The following ACYP2 variants were observed in gnomAD, a reference collection of about 807,000 sequenced individuals.
ACYP2 encodes the protein acylphosphatase-2.
ACYP2 carries 12 observed loss-of-function variants against 11.2 expected under a neutral mutation model. The ratio of observed to expected loss-of-function variants is 1.08; its 90% CI spans 0.69 to 1.74. The LOEUF (loss-of-function observed/expected upper bound fraction) is 1.74. Ranked by LOEUF, ACYP2 falls within the 40% of genes most tolerant of loss-of-function variation. ACYP2 has a pLI of 0.00. For synonymous variants in ACYP2, 43 were observed against 32.2 expected (o/e 1.33, Z -1.13); for missense variants, 134 against 101.9 (o/e 1.31, Z -1.35).
rs1675966887 is a variant in ACYP2, at chr2:54,053,437, A to ACACC, written c.155+2394_155+2397dup. Among the ~76,000 whole-genome samples the ACACC allele has an allele frequency of 3.9e-5, 6 of 152,282 alleles. No homozygotes were observed. In the South Asian group the frequency reaches 1.2e-3, roughly 32 times the overall value. On this transcript the variant is annotated intron_variant, in intron 3 of 6. Coordinates refer to ENST00000607452, the MANE Select transcript of ACYP2 (RefSeq NM_001320586.2). ...TCAGTGGCAGCCCAACTCACTCTGC[A>ACACC]CACCCACCCATCAAGTTCAGCTTTC...
At chr2:54,247,880 A>C (rs565823806) in intron 6 of ACYP2, among the ~76,000 whole-genome samples, 2 of 152,342 alleles carry the variant, frequency 1.3e-5, no homozygotes, top group South Asian at 4.1e-4. Flanking sequence ...CATATTCTCA[A>C]CTGAGTCTCA....
At chr2:54,176,153 A>G (rs187370328) in intron 6 of ACYP2, among the ~76,000 whole-genome samples, 2 of 152,304 alleles carry the variant, frequency 1.3e-5, no homozygotes, top group Admixed American at 6.5e-5. Flanking sequence ...TAGTAGCCCA[A>G]ACTGACTAAG....
At chr2:54,271,957 C>G (rs1688323180) in intron 6 of ACYP2, among the ~76,000 whole-genome samples, 1 of 152,070 alleles carries the variant, frequency 6.6e-6, no homozygotes, top group African/African-American at 2.4e-5. Context: ...ATTCTGTTGT[C>G]ACGAAGTGAA....
chr2:54,049,176 G>A lies in ACYP2; in HGVS notation c.63-1782G>A, dbSNP rs1403298722. 3.9e-5 allele frequency among the ~76,000 whole-genome samples: 6 copies of A among 152,148 alleles called. No individual in the cohort carries two copies. In the East Asian group the frequency reaches 5.8e-4, roughly 15 times the overall value. On this transcript the variant is annotated intron_variant, in intron 2 of 6. Transcript: ENST00000607452. ...CTCAGGAGGGTAAGGCAGGAGAATC[G>A]CTTGAACCCGGGAGGCGGAGACTGC...
intron 2 of ACYP2, among the ~76,000 whole-genome samples, chr2:53,980,752 C>CT (rs796522648): frequency 0.026 from 3,786 of 145,972 alleles, 153 homozygotes; most frequent in African/African-American, 0.089. Context: ...TATAGGTGTA[C>CT]TTTTTTTTTT....
intron 6 of ACYP2, among the ~76,000 whole-genome samples, chr2:54,249,434 CAAA>C (rs55649227): frequency 4.2e-5 from 4 of 94,708 alleles, no homozygotes; most frequent in Admixed American, 1.3e-4. Context: ...GACTCCGTCT[CAAA>C]AAAAAAAAAA....
At chr2:53,984,168 G>A (rs1671899239) in intron 2 of ACYP2, among the ~76,000 whole-genome samples, 1 of 152,114 alleles carries the variant, frequency 6.6e-6, no homozygotes, top group Admixed American at 6.6e-5. Context: ...AAATGATGAA[G>A]GCTAATAAAT....
intron 2 of ACYP2, among the ~76,000 whole-genome samples, chr2:54,026,697 G>A (rs949319094): frequency 2.6e-5 from 4 of 152,156 alleles, no homozygotes; most frequent in African/African-American, 9.7e-5. Flanking sequence ...AAAGAGTCAT[G>A]TATCTATACC....
intron 6 of ACYP2, among the ~76,000 whole-genome samples, chr2:54,273,595 G>C (rs1688411505): frequency 6.6e-6 from 1 of 152,048 alleles, no homozygotes; most frequent in Non-Finnish European, 1.5e-5. Flanking sequence ...CTCCCGATTA[G>C]CTAAGATTAC....
At chr2:54,274,671 G>T (rs843746) in intron 6 of ACYP2, among the ~76,000 whole-genome samples, 51,697 of 114,206 alleles carry the variant, frequency 0.45, 10,986 homozygotes, top group Non-Finnish European at 0.55. Flanking sequence ...GAAACTAAAA[G>T]AAAAATCTAG....
chr2:53,983,541 A>G (rs960234468), intron 2 of ACYP2, among the ~76,000 whole-genome samples: 2 of 152,256 alleles, frequency 1.3e-5, no homozygotes, highest in African/African-American at 4.8e-5. Context: ...TGGAAGCTTG[A>G]GGTAGAGGAA....
chr2:54,207,540 A>T (rs775140107), intron 6 of ACYP2, among the ~76,000 whole-genome samples: 3 of 152,242 alleles, frequency 2.0e-5, no homozygotes, highest in Non-Finnish European at 4.4e-5. Flanking sequence ...AAATTTGACC[A>T]AACAATTAAG....
At chr2:54,219,096 T>G (rs1685676251) in intron 6 of ACYP2, among the ~76,000 whole-genome samples, 1 of 152,176 alleles carries the variant, frequency 6.6e-6, no homozygotes, top group Non-Finnish European at 1.5e-5. Flanking sequence ...TGTGAAGATT[T>G]CAACAAATCA....
intron 2 of ACYP2, among the ~76,000 whole-genome samples, chr2:54,008,292 G>T (rs1224621048): frequency 2.6e-5 from 4 of 152,118 alleles, no homozygotes; most frequent in Admixed American, 6.6e-5. Flanking sequence ...TCCGAGTTTT[G>T]GTTTTGATTT....
chr2:54,245,259 C>G (rs1306843069), intron 6 of ACYP2, among the ~76,000 whole-genome samples: 1 of 152,158 alleles, frequency 6.6e-6, no homozygotes, highest in Non-Finnish European at 1.5e-5. Context: ...ATATATACCA[C>G]ATTTCCTTGA....
At chr2:54,167,745 T>G (rs1339287442) in intron 6 of ACYP2, among the ~76,000 whole-genome samples, 1 of 152,252 alleles carries the variant, frequency 6.6e-6, no homozygotes, top group Non-Finnish European at 1.5e-5. Flanking sequence ...ATGATATCCA[T>G]AATTTTATTT....
chr2:53,977,204 C>A (rs148743014), intron 2 of ACYP2, among the ~76,000 whole-genome samples: 5,723 of 152,116 alleles, frequency 0.038, 145 homozygotes, highest in Non-Finnish European at 0.058. Context: ...CCCGCCATCA[C>A]GCCCAGCTAA....
intron 2 of ACYP2, among the ~76,000 whole-genome samples, chr2:54,008,204 G>A (rs11674724): frequency 0.33 from 50,711 of 152,086 alleles, 9,249 homozygotes; most frequent in South Asian, 0.53. Context: ...CAAAGACCAT[G>A]CAGCTGCCAA....
chr2:54,147,716 G>A (rs773692077), intron 6 of ACYP2, among the ~76,000 whole-genome samples: 6 of 151,952 alleles, frequency 3.9e-5, no homozygotes, highest in Non-Finnish European at 8.8e-5. Context: ...GTAGAGACAG[G>A]GTCCTACTAT....
Sources: gnomAD v4.1 joint callset for allele counts (sites outside exome capture counted in the v4.1 genomes callset) on GRCh38, gnomAD v4.1.1 for gene constraint, MANE v1.5 for transcripts, NCBI Gene and HGNC (gene_info 2026-07-23, HGNC 2026-07-21) for gene names.